The following CMSS1 variants were observed in gnomAD, a reference collection of about 807,000 sequenced individuals.
CMSS1 encodes the protein cms1 ribosomal small subunit homolog.
A neutral mutation model predicts 43.5 loss-of-function variants in CMSS1; 33 were observed. The ratio of observed to expected loss-of-function variants is 0.76; its 90% CI spans 0.57 to 1.01. CMSS1 has a LOEUF of 1.01. CMSS1 is among the 50% of genes least tolerant of loss of function. The pLI is 0.00. For synonymous variants in CMSS1, 115 were observed against 117.2 expected, an observed-to-expected ratio of 0.98 and a Z score of 0.12; for missense variants, 313 against 326.4, an observed-to-expected ratio of 0.96 and a Z score of 0.32.
chr3:100,170,666 G>T (rs1340814822), intron 6 of CMSS1, among the ~76,000 whole-genome samples: 1 of 152,230 alleles, frequency 6.6e-6, no homozygotes, highest in African/African-American at 2.4e-5. Context: ...ATGTTATGTG[G>T]CTGTTTATAG....
chr3:99,833,354 A>G, intron 1 of CMSS1: 2 of 1,096,734 alleles, frequency 1.8e-6, no homozygotes, highest in Non-Finnish European at 2.7e-6. Flanking sequence ...CTCAAAAGAA[A>G]CCTAGCAATC....
intron 1 of CMSS1, among the ~76,000 whole-genome samples, chr3:100,091,264 G>A (rs992063975): frequency 9.2e-5 from 13 of 141,298 alleles, no homozygotes; most frequent in African/African-American, 3.2e-4. Context: ...CAGACTAGGC[G>A]ACAGAGCGAG....
At chr3:100,145,963 A>G (rs1467458543) in intron 1 of CMSS1, among the ~76,000 whole-genome samples, 2 of 152,264 alleles carry the variant, frequency 1.3e-5, no homozygotes, top group African/African-American at 4.8e-5. Flanking sequence ...CCATCACAGT[A>G]TGCAAACATT....
At chr3:99,906,957 G>A (rs897036416) in intron 1 of CMSS1, among the ~76,000 whole-genome samples, 7 of 152,206 alleles carry the variant, frequency 4.6e-5, no homozygotes, top group African/African-American at 1.7e-4. Context: ...TCATGGAGCA[G>A]AACGACTTTT....
At chr3:100,177,165 A>G (rs1235611254) in intron 9 of CMSS1, among the ~76,000 whole-genome samples, 3 of 152,232 alleles carry the variant, frequency 2.0e-5, no homozygotes, top group Non-Finnish European at 4.4e-5. Context: ...ATGCTGAATG[A>G]ATTAATTTAT....
At chr3:99,930,130 A>G in intron 1 of CMSS1, 2 of 894,722 alleles carry the variant, frequency 2.2e-6, no homozygotes, top group Non-Finnish European at 3.4e-6. Context: ...TCTCTTTCAA[A>G]TCTAAATGAA....
chr3:100,164,029 T>C (rs1576117370), intron 4 of CMSS1, among the ~76,000 whole-genome samples: 1 of 152,330 alleles, frequency 6.6e-6, no homozygotes, highest in East Asian at 1.9e-4. Flanking sequence ...ATGAGTGCCC[T>C]GTCTGTTTTC....
intron 1 of CMSS1, among the ~76,000 whole-genome samples, chr3:99,966,537 C>T (rs888009707): frequency 2.0e-5 from 3 of 152,194 alleles, no homozygotes; most frequent in Non-Finnish European, 4.4e-5. Flanking sequence ...TGAGTTCACT[C>T]ATCACTAACA....
chr3:99,869,654 C>T (rs1944691686), intron 1 of CMSS1, among the ~76,000 whole-genome samples: 1 of 152,182 alleles, frequency 6.6e-6, no homozygotes, highest in African/African-American at 2.4e-5. Context: ...GACCAGGCAA[C>T]TCCTTCCTTT....
chr3:100,034,493 G>A (rs532700229), intron 1 of CMSS1, among the ~76,000 whole-genome samples: 11 of 152,192 alleles, frequency 7.2e-5, no homozygotes, highest in African/African-American at 1.2e-4. Context: ...TAGCCACTTC[G>A]TTCCAGTAAT....
chr3:100,170,846 T>G (rs956400872), intron 6 of CMSS1, among the ~76,000 whole-genome samples: 1 of 152,212 alleles, frequency 6.6e-6, no homozygotes, highest in African/African-American at 2.4e-5. Flanking sequence ...GTCCTACTGG[T>G]GTAAGCCAGA....
At chr3:99,877,928 A>G (rs184036322) in intron 1 of CMSS1, among the ~76,000 whole-genome samples, 1 of 152,330 alleles carries the variant, frequency 6.6e-6, no homozygotes, top group Non-Finnish European at 1.5e-5. Flanking sequence ...GTTTCCTAAC[A>G]TTTAACACTA....
At chr3:99,828,104 G>A (rs77116159) in intron 1 of CMSS1, among the ~76,000 whole-genome samples, 4,754 of 152,074 alleles carry the variant, frequency 0.031, 199 homozygotes, top group South Asian at 0.12. Flanking sequence ...TGTTTTTCTG[G>A]GACTATTGTT....
At chr3:100,062,244 T>C (rs1275620929) in intron 1 of CMSS1, among the ~76,000 whole-genome samples, 5 of 151,626 alleles carry the variant, frequency 3.3e-5, no homozygotes, top group Non-Finnish European at 1.5e-5. Flanking sequence ...CCCGAGTAGC[T>C]GGGACTACAG....
chr3:100,163,268 A>C (rs2067040487), intron 4 of CMSS1, among the ~76,000 whole-genome samples: 1 of 152,176 alleles, frequency 6.6e-6, no homozygotes, highest in Admixed American at 6.5e-5. Flanking sequence ...TATAGACAAG[A>C]ACTTTAGCCT....
intron 1 of CMSS1, among the ~76,000 whole-genome samples, chr3:100,048,872 A>G (rs1225360505): frequency 6.6e-6 from 1 of 152,184 alleles, no homozygotes; most frequent in Non-Finnish European, 1.5e-5. Flanking sequence ...TATAAGGTTG[A>G]TATGATGGCC....
chr3:100,048,015 TGTGAAA>T (rs1361940932), intron 1 of CMSS1, among the ~76,000 whole-genome samples: 3 of 152,116 alleles, frequency 2.0e-5, no homozygotes, highest in Non-Finnish European at 4.4e-5. Flanking sequence ...GGCCATAGCT[TGTGAAA>T]GTGAAAGGGT....
intron 1 of CMSS1, among the ~76,000 whole-genome samples, chr3:99,865,422 A>G (rs1944464885): frequency 6.6e-6 from 1 of 152,204 alleles, no homozygotes; most frequent in Non-Finnish European, 1.5e-5. Context: ...CCTGTCAAAG[A>G]TCCCAAATCA....
intron 1 of CMSS1, among the ~76,000 whole-genome samples, chr3:99,912,976 G>A (rs994593836): frequency 6.6e-6 from 1 of 152,140 alleles, no homozygotes; most frequent in African/African-American, 2.4e-5. Flanking sequence ...TTAGGAAGTG[G>A]AGCCTTTGGG....
Sources: gnomAD v4.1 joint callset for allele counts (sites outside exome capture counted in the v4.1 genomes callset) on GRCh38, gnomAD v4.1.1 for gene constraint, MANE v1.5 for transcripts, NCBI Gene and HGNC (gene_info 2026-07-23, HGNC 2026-07-21) for gene names.